TRHDE: variants seen among roughly 807,000 people sequenced by gnomAD.
The protein encoded by TRHDE is thyrotropin-releasing hormone-degrading ectoenzyme.
In TRHDE, 72 loss-of-function variants were observed where a neutral mutation model predicts 125.7. The observed-to-expected ratio is 0.57, with a 90% CI of 0.47 to 0.70. TRHDE has a LOEUF of 0.70. Ranked by LOEUF, TRHDE falls within the 30% of genes least tolerant of loss-of-function variation. The probability of loss-of-function intolerance (pLI) is 0.00; values close to 1 mark genes in which losing one functional copy is unlikely to be tolerated. For missense variants in TRHDE, 1,110 were observed against 1,327.1 expected (o/e 0.84, Z 2.54); for synonymous variants, 509 against 509.1 (o/e 1.00, Z 0.00).
At chr12:72,143,384 GGAA>G (rs989916189) in intron 2 of TRHDE, among the ~76,000 whole-genome samples, 1 of 152,040 alleles carries the variant, frequency 6.6e-6, no homozygotes, top group Non-Finnish European at 1.5e-5. Context: ...AGGAGTAGGA[GGAA>G]GGAGGGAAAG....
rs1423976204 is a variant in TRHDE, at chr12:72,665,717, C to T, written c.*2522C>T. The T allele has an allele frequency of 6.6e-6, 1 of 151,914 alleles. No individual in the cohort carries two copies. Among genetic ancestry groups the T allele is most frequent in the Non-Finnish European group, 1.5e-5 (1 of 67,970 alleles). The allele number at this position is 151,914 out of a possible 1,614,324, so 9.4% of individuals were successfully genotyped here. ...TGAAATAACTAACTGTTGAAAGTGT[C>T]CAACCTCCAGCCATAGCAATTTGCT... On this transcript the variant is annotated 3_prime_UTR_variant, in exon 19 of 19. Coordinates refer to ENST00000261180, the MANE Select transcript of TRHDE (RefSeq NM_013381.3).
chr12:72,276,213 C>T (rs1879482815), intron 1 of TRHDE, among the ~76,000 whole-genome samples: 1 of 152,086 alleles, frequency 6.6e-6, no homozygotes, highest in South Asian at 2.1e-4. Flanking sequence ...TGTAAATTGG[C>T]ATTTTAAAAC....
intron 3 of TRHDE, among the ~76,000 whole-genome samples, chr12:72,379,866 C>T (rs1872065467): frequency 6.6e-6 from 1 of 152,132 alleles, no homozygotes; most frequent in Admixed American, 6.5e-5. Flanking sequence ...TACCACAGCC[C>T]ATGGTGCTTT....
At chr12:72,588,036 A>G (rs979213911) in intron 12 of TRHDE, among the ~76,000 whole-genome samples, 2 of 152,170 alleles carry the variant, frequency 1.3e-5, no homozygotes, top group African/African-American at 4.8e-5. Context: ...TGTTCCCCTT[A>G]TCCTGTACTG....
chr12:72,273,021 A>G lies in TRHDE; in HGVS notation c.378A>G (p.Ser126=). 6 of 1,540,532 alleles carry G rather than the reference A, an allele frequency of 3.9e-6. No homozygotes were observed. The highest frequency in any genetic ancestry group is 5.2e-6 in the Non-Finnish European group (6 of 1,148,640). Residue 126 remains serine, a synonymous_variant, in exon 1 of 19, where the codon TCA becomes TCG. Transcript: ENST00000261180. This position sits in a 1 kb window ranked among gnomAD's most constrained non-coding sequence, Gnocchi z 5.3. ...SATPGADGGP[S]GFPERGGNGS... ...CGCCAGGCGCCGACGGTGGCCCCTCAGGCTTTCCGGAGCGCGGCGGCAACG... is the reference window on the plus strand; with the variant it reads ...CGCCAGGCGCCGACGGTGGCCCCTCGGGCTTTCCGGAGCGCGGCGGCAACG...
At chr12:72,460,624 TTCAACCTGTATTCTCTGAG>T (rs1876083391) in intron 3 of TRHDE, among the ~76,000 whole-genome samples, 1 of 152,184 alleles carries the variant, frequency 6.6e-6, no homozygotes, top group Admixed American at 6.5e-5. Context: ...GAACCTTACA[TTCAACCTGTATTCTCTGAG>T]ATAACAGCAA....
At chr12:72,171,267 A>G (rs757921407) in intron 2 of TRHDE, among the ~76,000 whole-genome samples, 7 of 152,062 alleles carry the variant, frequency 4.6e-5, no homozygotes, top group Non-Finnish European at 8.8e-5. Context: ...AAAAAATAGG[A>G]TTAGTTTTGT....
At chr12:72,621,348 C>A (rs894110425) in intron 14 of TRHDE, 143 bp downstream of exon 14, 78 of 627,014 alleles carry the variant, frequency 1.2e-4, no homozygotes, top group Middle Eastern at 2.7e-4. Flanking sequence ...AGGACTGCTG[C>A]TGGGTAGCAC....
At chr12:72,298,066 TG>T (rs1880371004) in intron 2 of TRHDE, among the ~76,000 whole-genome samples, 2 of 152,190 alleles carry the variant, frequency 1.3e-5, no homozygotes, top group Admixed American at 1.3e-4. Flanking sequence ...TAATGGGTTT[TG>T]TTATATAATC....
chr12:72,212,848 T>C (rs867003982), intron 2 of TRHDE, among the ~76,000 whole-genome samples: 4 of 152,112 alleles, frequency 2.6e-5, no homozygotes, highest in Non-Finnish European at 5.9e-5. Flanking sequence ...ACCTGAGAAA[T>C]GAAAACATGT....
intron 15 of TRHDE, among the ~76,000 whole-genome samples, chr12:72,623,432 G>A (rs1036053568): frequency 6.6e-6 from 1 of 151,950 alleles, no homozygotes; most frequent in Non-Finnish European, 1.5e-5. Context: ...AAGCATTCAA[G>A]CCTAATATCA....
intron 2 of TRHDE, among the ~76,000 whole-genome samples, chr12:72,266,990 A>T (rs545672002): frequency 6.6e-6 from 1 of 152,166 alleles, no homozygotes; most frequent in Non-Finnish European, 1.5e-5. Flanking sequence ...CTTAGCTATT[A>T]TTATTATTTT....
At chr12:72,651,786 T>C (rs1383899072) in intron 15 of TRHDE, among the ~76,000 whole-genome samples, 3 of 152,052 alleles carry the variant, frequency 2.0e-5, no homozygotes, top group Non-Finnish European at 2.9e-5. Context: ...TTTCTACTTA[T>C]ATTTTGGTAT....
chr12:72,148,134 G>T (rs749581497), intron 2 of TRHDE, among the ~76,000 whole-genome samples: 2 of 152,190 alleles, frequency 1.3e-5, no homozygotes, highest in African/African-American at 4.8e-5. Flanking sequence ...GAGGTGAGTT[G>T]CTTGCTCAGG....
intron 2 of TRHDE, among the ~76,000 whole-genome samples, chr12:72,252,950 C>T (rs939359992): frequency 2.0e-4 from 31 of 152,080 alleles, no homozygotes; most frequent in African/African-American, 5.3e-4. Flanking sequence ...GGTTTTCATA[C>T]GTTTATTGTT....
chr12:72,525,948 T>C (rs1868328730), intron 6 of TRHDE, among the ~76,000 whole-genome samples: 1 of 152,108 alleles, frequency 6.6e-6, no homozygotes, highest in East Asian at 1.9e-4. Flanking sequence ...TTTTTTCCCC[T>C]GCGGTCGTTA....
chr12:72,622,383 T>C (rs371717867), intron 15 of TRHDE, among the ~76,000 whole-genome samples: 2 of 152,068 alleles, frequency 1.3e-5, no homozygotes, highest in East Asian at 1.9e-4. Context: ...TAATCGAAGA[T>C]TATTGGTATT....
intron 12 of TRHDE, among the ~76,000 whole-genome samples, chr12:72,614,207 GA>G (rs890124303): frequency 1.1e-4 from 17 of 151,328 alleles, no homozygotes; most frequent in Non-Finnish European, 2.4e-4. Flanking sequence ...ATTGGGCAGG[GA>G]AAAAAATTCA....
At chr12:72,429,058 G>T (rs1265284292) in intron 3 of TRHDE, among the ~76,000 whole-genome samples, 1 of 152,004 alleles carries the variant, frequency 6.6e-6, no homozygotes, top group African/African-American at 2.4e-5. Flanking sequence ...CATGGATGAA[G>T]CTGGAAACCA....
Sources: allele counts gnomAD v4.1 joint callset (sites outside exome capture counted in the v4.1 genomes callset), GRCh38; gene constraint gnomAD v4.1.1; non-coding constraint Gnocchi (gnomAD v3.1); transcripts MANE v1.5; gene names NCBI Gene and HGNC (gene_info 2026-07-23, HGNC 2026-07-21).